SBNO1: variants seen among roughly 807,000 people sequenced by gnomAD.
The protein encoded by SBNO1 is protein strawberry notch homolog 1.
Under a neutral mutation model 173.6 loss-of-function variants are expected in SBNO1, and 23 were observed. The observed-to-expected ratio is 0.13, with a 90% confidence interval of 0.10 to 0.19. SBNO1 has a LOEUF of 0.19. Among genes scored for constraint, SBNO1 ranks in the 10% least tolerant of loss-of-function variants. The pLI, the probability that SBNO1 is intolerant of heterozygous loss-of-function variation, is 1.00. For synonymous variants in SBNO1, 632 were observed against 571.5 expected, an observed-to-expected ratio of 1.11 and a Z score of -1.51; for missense variants, 1,238 against 1,671.2, an observed-to-expected ratio of 0.74 and a Z score of 4.52.
intron 7 of SBNO1, among the ~76,000 whole-genome samples, chr12:123,332,981 G>A (rs947685175): frequency 7.2e-5 from 11 of 152,076 alleles, no homozygotes; most frequent in Non-Finnish European, 7.4e-5. Flanking sequence ...AAAATTAGCC[G>A]GGCGTGGCGG....
intron 23 of SBNO1, 138 bp from the exon 24 acceptor site, chr12:123,313,857 G>A: frequency 1.9e-6 from 1 of 525,140 alleles, no homozygotes; most frequent in Non-Finnish European, 3.4e-6. Flanking sequence ...GGGAGGTCGA[G>A]GTGGGTGGAT....
intron 5 of SBNO1, among the ~76,000 whole-genome samples, chr12:123,339,435 C>T (rs1000530048): frequency 6.6e-6 from 1 of 152,050 alleles, no homozygotes; most frequent in African/African-American, 2.4e-5. Flanking sequence ...CCCAACTTCT[C>T]CTGAATCACT....
chr12:123,361,162 T>C (rs1290648477), intron 1 of SBNO1, among the ~76,000 whole-genome samples: 1 of 152,138 alleles, frequency 6.6e-6, no homozygotes. Flanking sequence ...GAGAATTGCT[T>C]GAACCTGGGA....
chr12:123,300,531 G>A (rs1450437604), intron 30 of SBNO1, among the ~76,000 whole-genome samples: 11 of 152,074 alleles, frequency 7.2e-5, no homozygotes, highest in Non-Finnish European at 1.5e-5. Flanking sequence ...GTTGGCGGGT[G>A]CCTGTAGTCC....
At chr12:123,334,740 A>T (rs1347351592) in intron 6 of SBNO1, among the ~76,000 whole-genome samples, 2 of 150,114 alleles carry the variant, frequency 1.3e-5, no homozygotes, top group African/African-American at 5.0e-5. Flanking sequence ...AATAATAAAT[A>T]AAATAAAATA....
At chr12:123,320,408 A>G in intron 19 of SBNO1, 24 bp downstream of exon 19, 1 of 1,590,586 alleles carries the variant, frequency 6.3e-7, no homozygotes, top group Non-Finnish European at 8.6e-7. Context: ...CAAAAATGTC[A>G]CCAAGAGATA....
chr12:123,329,374 CTT>C (rs60825775), intron 9 of SBNO1, among the ~76,000 whole-genome samples: 86 of 133,726 alleles, frequency 6.4e-4, no homozygotes, highest in African/African-American at 9.5e-4. Context: ...GAGCTGAGAT[CTT>C]TTTTTTTTTT....
At chr12:123,335,861 A>G (rs780088472) in intron 6 of SBNO1, among the ~76,000 whole-genome samples, 38 of 152,234 alleles carry the variant, frequency 2.5e-4, no homozygotes, top group Non-Finnish European at 4.3e-4. Context: ...AGGTGAGCAG[A>G]AAAGGATGGA....
rs762491700 is a variant in SBNO1, at chr12:123,298,067, T to C, written c.3950A>G (p.Lys1317Arg). The C allele has an allele frequency of 6.2e-7, 1 of 1,613,568 alleles. No individual in the cohort carries two copies. The highest frequency in any genetic ancestry group is 8.5e-7 in the Non-Finnish European group (1 of 1,179,870). The stretch of plus-strand genomic sequence containing the variant: ...GACAGATGCTAGAACACCCTCAACT[T>C]TTGTCCAGACACTCAGCACTGAACC... Reference protein sequence around the residue: ...LCGSVLSVWTKVEGVLASVSG... With the variant: ...LCGSVLSVWTRVEGVLASVSG... Residue 1317 changes from lysine to arginine, a missense_variant, in exon 31 of 32, where the codon AAA (lysine) becomes AGA (arginine). Transcript: ENST00000602398.
intron 1 of SBNO1, among the ~76,000 whole-genome samples, chr12:123,360,481 G>A (rs555208915): frequency 1.3e-5 from 2 of 152,046 alleles, no homozygotes; most frequent in South Asian, 4.2e-4. Flanking sequence ...GTCTCGCTGT[G>A]TCGCCAAAGC....
At chr12:123,316,020 G>A (rs1431338161) in intron 21 of SBNO1, among the ~76,000 whole-genome samples, 1 of 152,096 alleles carries the variant, frequency 6.6e-6, no homozygotes, top group Non-Finnish European at 1.5e-5. Flanking sequence ...CTCTGATATG[G>A]ACCTAATACA....
intron 15 of SBNO1, 62 bp downstream of exon 15, chr12:123,325,440 T>G: frequency 3.4e-6 from 4 of 1,176,820 alleles, no homozygotes; most frequent in Non-Finnish European, 5.0e-6. Flanking sequence ...ATGCCCACAT[T>G]GGAACTAAGG....
In SBNO1 at chr12:123,345,501, T is replaced by C. The variant is rs575055334; in HGVS notation, c.307A>G (p.Ile103Val). The stretch of plus-strand genomic sequence containing the variant: ...ACAGGTGGTGTTTTAGTCATTACAA[T>C]TGTAGATCCCAAGGGTGGAAGATGA... Reference protein sequence around the residue: ...INHLPPLGSTIVMTKTPPVTT... With the variant: ...INHLPPLGSTVVMTKTPPVTT... The change falls in exon 4 of 32, where the codon ATT becomes GTT. Residue 103 changes from isoleucine to valine, a missense_variant. Physicochemically the swap from Ile to Val is conservative, Grantham distance 29. Transcript: ENST00000602398. 3.7e-6 allele frequency: 6 copies of C among 1,614,054 alleles called. No individual in the cohort carries two copies. Among genetic ancestry groups the C allele is most frequent in the East Asian group, 2.2e-5 (1 of 44,888 alleles).
chr12:123,334,519 C>T (rs1458511301), intron 6 of SBNO1, among the ~76,000 whole-genome samples: 1 of 151,972 alleles, frequency 6.6e-6, no homozygotes, highest in Admixed American at 6.6e-5. Context: ...ACCAGCCTGG[C>T]CAACACAGCA....
intron 3 of SBNO1, among the ~76,000 whole-genome samples, 168 bp from the exon 4 acceptor site, chr12:123,345,738 T>C (rs1312922701): frequency 2.0e-5 from 3 of 152,118 alleles, no homozygotes; most frequent in Non-Finnish European, 2.9e-5. Context: ...AGTGCGATCA[T>C]AGCTCACTGC....
intron 4 of SBNO1, among the ~76,000 whole-genome samples, chr12:123,343,943 C>T (rs1425820538): frequency 6.6e-6 from 1 of 152,146 alleles, no homozygotes; most frequent in Non-Finnish European, 1.5e-5. Context: ...TTTTAAAAAT[C>T]ACTACCTTAA....
chr12:123,363,001 C>T (rs976374202), intron 1 of SBNO1, among the ~76,000 whole-genome samples: 1 of 151,996 alleles, frequency 6.6e-6, no homozygotes, highest in African/African-American at 2.4e-5. Flanking sequence ...GTGGGACGAT[C>T]GCTTGAGCCC....
At chr12:123,364,246 G>T in intron 1 of SBNO1, 9 of 985,646 alleles carry the variant, frequency 9.1e-6, no homozygotes, top group Non-Finnish European at 9.6e-6. Context: ...CCAGAGCCGG[G>T]AGCAATGCTG....
At position 123,346,583 on chromosome 12, in the gene SBNO1, G is replaced by C. The variant is rs570458314; in HGVS notation, c.238-1013C>G. On this transcript the variant is annotated intron_variant, in intron 3 of 31. Coordinates refer to ENST00000602398, the MANE Select transcript of SBNO1 (RefSeq NM_001167856.3). ...GGAGGCTGAGGCAGGAGAATGGCCT[G>C]AACACAGGAGGCGGAGGTTGCAGTG... 2.5e-4 allele frequency among the ~76,000 whole-genome samples: 38 copies of C among 152,304 alleles called. 2 individuals are homozygous for C. In the South Asian group the frequency reaches 7.7e-3, roughly 31 times the overall value.
Sources: gnomAD v4.1 joint callset for allele counts (sites outside exome capture counted in the v4.1 genomes callset) on GRCh38, gnomAD v4.1.1 for gene constraint, MANE v1.5 for transcripts, NCBI Gene and HGNC (gene_info 2026-07-23, HGNC 2026-07-21) for gene names.